ADGRL2: variants seen among roughly 807,000 people sequenced by gnomAD.
The protein encoded by ADGRL2 is adhesion G protein-coupled receptor L2.
Under a neutral mutation model 157.4 loss-of-function variants are expected in ADGRL2, and 44 were observed. That is an observed-to-expected ratio of 0.28 (90% CI 0.22 to 0.36). The LOEUF is 0.36. Among genes scored for constraint, ADGRL2 ranks in the 10% least tolerant of loss-of-function variants. The probability of loss-of-function intolerance (pLI) is 1.00; values close to 1 mark genes in which losing one functional copy is unlikely to be tolerated. For missense variants in ADGRL2, 1,510 were observed against 1,768.9 expected, an observed-to-expected ratio of 0.85 and a Z score of 2.63; for synonymous variants, 585 against 624.7, an observed-to-expected ratio of 0.94 and a Z score of 0.95.
chr1:81,785,339 C>T (rs1353606434), intron 2 of ADGRL2, among the ~76,000 whole-genome samples: 1 of 152,108 alleles, frequency 6.6e-6, no homozygotes, highest in Admixed American at 6.6e-5. Context: ...ACAATGTGCA[C>T]AGAGGGTCTT....
At chr1:81,770,552 C>A (rs2086322623) in intron 2 of ADGRL2, among the ~76,000 whole-genome samples, 1 of 151,936 alleles carries the variant, frequency 6.6e-6, no homozygotes, top group African/African-American at 2.4e-5. Context: ...TGGCTCACTG[C>A]AACCTCCACC....
chr1:81,396,295 A>G (rs1477057989), intron 1 of ADGRL2, among the ~76,000 whole-genome samples: 1 of 151,928 alleles, frequency 6.6e-6, no homozygotes, highest in East Asian at 1.9e-4. Context: ...TTCTTTTTTC[A>G]CTAGTTCATT....
intron 4 of ADGRL2, among the ~76,000 whole-genome samples, chr1:81,940,736 T>C (rs1647625520): frequency 6.6e-6 from 1 of 151,460 alleles, no homozygotes; most frequent in African/African-American, 2.4e-5. Context: ...TTAGCAACCC[T>C]GATGCATTTT....
intron 1 of ADGRL2, among the ~76,000 whole-genome samples, chr1:81,328,539 T>C (rs1016030110): frequency 2.6e-5 from 4 of 152,142 alleles, no homozygotes; most frequent in Admixed American, 6.6e-5. Context: ...CCAGTAATAG[T>C]ATCTTGGAAA....
chr1:81,704,510 A>G (rs2083671615), intron 1 of ADGRL2, among the ~76,000 whole-genome samples: 1 of 152,192 alleles, frequency 6.6e-6, no homozygotes, highest in East Asian at 1.9e-4. Context: ...AGGACCAGAT[A>G]GTAATCAGTA....
At chr1:81,934,986 T>G (rs79775028) in intron 3 of ADGRL2, among the ~76,000 whole-genome samples, 2,236 of 152,088 alleles carry the variant, frequency 0.015, 61 homozygotes, top group African/African-American at 0.051. Context: ...GTGAACTGTC[T>G]TGTTGCTGCA....
chr1:81,617,021 A>G (rs1461076302), intron 3 of ADGRL2, among the ~76,000 whole-genome samples: 5 of 152,176 alleles, frequency 3.3e-5, no homozygotes, highest in African/African-American at 1.2e-4. Flanking sequence ...TTCCATGGGC[A>G]AGTTCATTGA....
chr1:81,646,933 C>G (rs922201859), intron 3 of ADGRL2, among the ~76,000 whole-genome samples: 5 of 152,174 alleles, frequency 3.3e-5, no homozygotes, highest in Admixed American at 2.0e-4. Context: ...TTTATCAACT[C>G]TTAAGTGGAG....
At chr1:81,386,011 T>A (rs1017778960) in intron 1 of ADGRL2, among the ~76,000 whole-genome samples, 1 of 152,094 alleles carries the variant, frequency 6.6e-6, no homozygotes, top group African/African-American at 2.4e-5. Flanking sequence ...TTGTGGCTAA[T>A]TAAAAAAAAA....
rs561944649 is a variant in ADGRL2 at position 81,850,994 on chromosome 1, A to G, written c.73+13937A>G. ...ACTTAGTACCAAAGCTACATTTTAA[A>G]TATATACTTAATTTATAGGGCAGGG... On this transcript the variant is annotated intron_variant, in intron 2 of 23. Coordinates refer to ENST00000686636, the MANE Select transcript of ADGRL2 (RefSeq NM_001366006.2). Among the ~76,000 whole-genome samples the G allele has an allele frequency of 3.9e-5, 6 of 152,006 alleles. No individual in the cohort carries two copies. The South Asian group carries it at 1.0e-3, about 26-fold the overall frequency.
intron 19 of ADGRL2, among the ~76,000 whole-genome samples, chr1:81,982,298 G>C (rs1259000458): frequency 6.6e-6 from 1 of 151,918 alleles, no homozygotes; most frequent in East Asian, 1.9e-4. Flanking sequence ...CTCATTCTTT[G>C]CTCACTAAAG....
At chr1:81,982,408 T>C (rs1474844765) in intron 19 of ADGRL2, among the ~76,000 whole-genome samples, 1 of 151,968 alleles carries the variant, frequency 6.6e-6, no homozygotes, top group Non-Finnish European at 1.5e-5. Context: ...TTTGAGTAAT[T>C]TTGAAGGATC....
chr1:81,751,728 A>T (rs1417183808), intron 1 of ADGRL2, among the ~76,000 whole-genome samples: 2 of 152,228 alleles, frequency 1.3e-5, no homozygotes, highest in African/African-American at 2.4e-5. Context: ...TATTTCAGTT[A>T]TAAAGGAAAA....
At chr1:81,799,457 T>G (rs1233018910), upstream of ADGRL2, among the ~76,000 whole-genome samples, 1 of 152,220 alleles carries the variant, frequency 6.6e-6, no homozygotes, top group African/African-American at 2.4e-5. Context: ...AAGAACATGT[T>G]CTAGTTATTT....
intron 2 of ADGRL2, among the ~76,000 whole-genome samples, chr1:81,459,441 C>T (rs2077875875): frequency 6.6e-6 from 1 of 152,136 alleles, no homozygotes; most frequent in African/African-American, 2.4e-5. Flanking sequence ...CTGTAATTGG[C>T]TTATTTCACA....
At chr1:81,352,939 AT>A (rs746446748) in intron 1 of ADGRL2, among the ~76,000 whole-genome samples, 1 of 152,016 alleles carries the variant, frequency 6.6e-6, no homozygotes. Context: ...AAACAAAACA[AT>A]TTTTTTTAAA....
intron 3 of ADGRL2, chr1:81,586,095 T>C (rs1298278838): frequency 6.6e-6 from 1 of 152,142 alleles, no homozygotes; most frequent in African/African-American, 2.4e-5. Flanking sequence ...TGTATTCTAT[T>C]ATGTTACACC....
At chr1:81,621,266 T>C (rs58489100) in intron 3 of ADGRL2, among the ~76,000 whole-genome samples, 2,026 of 152,274 alleles carry the variant, frequency 0.013, 38 homozygotes, top group African/African-American at 0.046. Flanking sequence ...ATTTGTGAGG[T>C]AGGCAGATTC....
chr1:81,865,926 T>G (rs2093529772), intron 2 of ADGRL2, among the ~76,000 whole-genome samples: 2 of 152,232 alleles, frequency 1.3e-5, no homozygotes, highest in South Asian at 4.1e-4. Flanking sequence ...GAAAACTTTT[T>G]GTGCCAACAG....
Sources: gnomAD v4.1 joint callset for allele counts (sites outside exome capture counted in the v4.1 genomes callset) on GRCh38, gnomAD v4.1.1 for gene constraint, MANE v1.5 for transcripts, NCBI Gene and HGNC (gene_info 2026-07-23, HGNC 2026-07-21) for gene names.